MYO19: variants seen among roughly 807,000 people sequenced by gnomAD.
MYO19 encodes the protein unconventional myosin-XIX.
MYO19 carries 132 observed loss-of-function variants against 129.2 expected under a neutral mutation model. The observed-to-expected ratio is 1.02, with a 90% confidence interval of 0.89 to 1.18. The LOEUF is 1.18. MYO19 is among the 50% of genes most tolerant of loss of function. The probability of loss-of-function intolerance (pLI) is 0.00; values close to 1 mark genes in which losing one functional copy is unlikely to be tolerated. For missense variants in MYO19, 1,210 were observed against 1,216.7 expected (o/e 0.99, Z 0.08); for synonymous variants, 531 against 477.2 (o/e 1.11, Z -1.47).
In MYO19 at chr17:36,514,481, C is replaced by G; in HGVS notation, c.685G>C (p.Ala229Pro). 6.2e-7 allele frequency: 1 copy of G among 1,613,678 alleles called. No individual in the cohort carries two copies. The highest frequency in any genetic ancestry group is 8.5e-7 in the Non-Finnish European group (1 of 1,179,598). ...ATGTGGAAGTTCCTCTCACTGGAAG[C>G]CTGGCAGGCCACTCGAGTTTTCTCT... ...LLEKTRVACQ[A>P]SSERNFHIFY... Residue 229 changes from alanine (A) to proline (P), a missense_variant, in exon 9 of 26, where the codon GCT (alanine) becomes CCT (proline). Ala to Pro is a conservative substitution (Grantham distance 27, BLOSUM62 -1). Coordinates refer to ENST00000614623, the MANE Select transcript of MYO19 (RefSeq NM_001163735.2).
chr17:36,540,933 CAT>C (rs2074194311), intron 2 of MYO19, among the ~76,000 whole-genome samples: 2 of 152,122 alleles, frequency 1.3e-5, no homozygotes, highest in African/African-American at 4.8e-5. Flanking sequence ...GTAAGAAGAA[CAT>C]AATCTGTCCA....
intron 7 of MYO19, 151 bp downstream of exon 7, chr17:36,515,707 G>T: frequency 1.4e-6 from 1 of 733,668 alleles, no homozygotes; most frequent in Non-Finnish European, 2.2e-6. Context: ...AGGAGTACCA[G>T]GGAGAGGTTG....
At chr17:36,517,747 A>G (rs1356438946) in intron 6 of MYO19, among the ~76,000 whole-genome samples, 1 of 152,166 alleles carries the variant, frequency 6.6e-6, no homozygotes, top group African/African-American at 2.4e-5. Flanking sequence ...CTCACTCCCA[A>G]TGTGACTGCA....
chr17:36,527,436 A>C (rs2073542883), intron 5 of MYO19, 115 bp downstream of exon 5: 2 of 1,231,352 alleles, frequency 1.6e-6, no homozygotes, highest in Non-Finnish European at 2.2e-6. Flanking sequence ...TGGCACTAGC[A>C]GACTCTGAAT....
At chr17:36,501,540 G>C (rs2063048586) in intron 21 of MYO19, 1 of 270,506 alleles carries the variant, frequency 3.7e-6, no homozygotes, top group African/African-American at 2.2e-5. Context: ...TTGACACCTG[G>C]AAGGGTGACT....
chr17:36,528,987 G>A (rs1567791079), intron 3 of MYO19, among the ~76,000 whole-genome samples: 1 of 152,094 alleles, frequency 6.6e-6, no homozygotes, highest in African/African-American at 2.4e-5. Flanking sequence ...TTCTGAGAGA[G>A]GTAGCCCCAT....
At chr17:36,522,933 G>A (rs1051776044) in intron 6 of MYO19, among the ~76,000 whole-genome samples, 2 of 151,600 alleles carry the variant, frequency 1.3e-5, no homozygotes, top group Non-Finnish European at 2.9e-5. Flanking sequence ...GTGAACCCGG[G>A]AGGCAGAAGT....
chr17:36,519,027 T>C (rs1295339885), intron 6 of MYO19, among the ~76,000 whole-genome samples: 1 of 152,214 alleles, frequency 6.6e-6, no homozygotes. Flanking sequence ...GTGAGTAAAC[T>C]GGGACTACAG....
chr17:36,528,510 C>CAAA (rs948278898), intron 3 of MYO19, among the ~76,000 whole-genome samples: 14 of 106,552 alleles, frequency 1.3e-4, no homozygotes, highest in African/African-American at 4.0e-4. Context: ...GACTCTGTCT[C>CAAA]AAAAAAAAAA....
chr17:36,499,673 T>TTTTTC (rs2071358947), intron 23 of MYO19: 2 of 124,974 alleles, frequency 1.6e-5, no homozygotes, highest in African/African-American at 6.3e-5. Context: ...TCTTTTTTTT[T>TTTTTC]TTTTTTTTTT....
upstream of MYO19, chr17:36,537,342 CT>C (rs1444025217): frequency 9.3e-6 from 15 of 1,613,844 alleles, no homozygotes; most frequent in Non-Finnish European, 1.3e-5. Flanking sequence ...ATTTATCCTC[CT>C]TGAGCTTCTC....
chr17:36,538,250 CCTT>C, upstream of MYO19: 2 of 1,613,206 alleles, frequency 1.2e-6, no homozygotes, highest in Middle Eastern at 1.6e-4. Context: ...CTAGCCTGAT[CCTT>C]CTTAGTAGTT....
upstream of MYO19, chr17:36,538,038 G>C (rs2142619250): frequency 6.2e-7 from 1 of 1,614,114 alleles, no homozygotes. Flanking sequence ...CCTGGGGTAT[G>C]TGGCAATACA....
Position 36,506,529 on chromosome 17 carries a change from G to C in MYO19, c.1724C>G (p.Pro575Arg). ...PLLMGLFPTN[P>R]KEKTQEEPPG... ...GGGTTCCTCCTGGGTCTTCTCTTTG[G>C]GGTTAGTAGGAAACAGCCCCATGAG... is the stretch of plus-strand genomic sequence containing the variant. The change falls in exon 18 of 26, where the codon CCC (proline) becomes CGC (arginine). Residue 575 changes from proline to arginine, a missense_variant. Physicochemically the swap from Pro to Arg is moderately radical, Grantham distance 103. Coordinates refer to ENST00000614623, the MANE Select transcript of MYO19 (RefSeq NM_001163735.2). 4 of 1,601,396 alleles carry C rather than the reference G, an allele frequency of 2.5e-6. No homozygotes were observed. The highest frequency in any genetic ancestry group is 2.7e-5 in the African/African-American group (2 of 74,050).
chr17:36,544,333 C>T (rs1450096605), upstream of MYO19, among the ~76,000 whole-genome samples: 2 of 152,232 alleles, frequency 1.3e-5, no homozygotes, highest in African/African-American at 4.8e-5. Flanking sequence ...CAGCGGGCCC[C>T]TGGCGAGCCG....
At chr17:36,502,519 T>C (rs1029546478) in intron 21 of MYO19, among the ~76,000 whole-genome samples, 2 of 152,118 alleles carry the variant, frequency 1.3e-5, no homozygotes, top group East Asian at 1.9e-4. Flanking sequence ...TTTCTCTCTA[T>C]TGGGGCAACT....
chr17:36,516,486 T>C (rs971976185), intron 6 of MYO19, among the ~76,000 whole-genome samples: 19 of 152,138 alleles, frequency 1.2e-4, no homozygotes, highest in African/African-American at 4.3e-4. Context: ...TTCTCCTGCC[T>C]CAGCCTCCCA....
intron 6 of MYO19, among the ~76,000 whole-genome samples, chr17:36,518,556 G>A (rs6607305): frequency 0.027 from 2,191 of 81,560 alleles, 105 homozygotes; most frequent in African/African-American, 0.088. Context: ...ATATATATGT[G>A]TATGTGTATA....
chr17:36,529,074 G>A (rs1438999743), intron 3 of MYO19, among the ~76,000 whole-genome samples: 2 of 152,188 alleles, frequency 1.3e-5, no homozygotes, highest in Non-Finnish European at 2.9e-5. Flanking sequence ...GTCTGCTTGA[G>A]AGAAAGCCTG....
Sources: gnomAD v4.1 joint callset for allele counts (sites outside exome capture counted in the v4.1 genomes callset) on GRCh38, gnomAD v4.1.1 for gene constraint, MANE v1.5 for transcripts, NCBI Gene and HGNC (gene_info 2026-07-23, HGNC 2026-07-21) for gene names.